Variants in FRAS1 observed in about 807,000 individuals in gnomAD.
FRAS1 encodes extracellular matrix organizing protein FRAS1.
In FRAS1, 290 loss-of-function variants were observed where a neutral mutation model predicts 435.2. The ratio of observed to expected loss-of-function variants is 0.67; its 90% CI spans 0.61 to 0.73. The LOEUF is 0.73. FRAS1 is among the 30% of genes least tolerant of loss of function. The probability of loss-of-function intolerance (pLI) is 0.00; values close to 1 mark genes in which losing one functional copy is unlikely to be tolerated. For synonymous variants in FRAS1, 1,800 were observed against 1,851.0 expected (o/e 0.97, Z 0.71); for missense variants, 4,860 against 5,001.5 (o/e 0.97, Z 0.85).
At chr4:78,296,413 G>A (rs896431497) in intron 14 of FRAS1, among the ~76,000 whole-genome samples, 1 of 152,000 alleles carries the variant, frequency 6.6e-6, no homozygotes, top group Non-Finnish European at 1.5e-5. Flanking sequence ...TGGAGTAAAA[G>A]GATCAAAAAT....
At chr4:78,401,425 A>C (rs1029118007) in intron 30 of FRAS1, among the ~76,000 whole-genome samples, 2 of 152,244 alleles carry the variant, frequency 1.3e-5, no homozygotes, top group African/African-American at 4.8e-5. Context: ...AGGTGTTCGT[A>C]GCTGACTTCC....
rs773736914 is a variant in FRAS1, at chr4:78,421,879, G to A, written c.4557G>A (p.Arg1519=). The part of the protein sequence containing the change: ...LHPNQGIIEH[R]DHPHSPIRYF... The stretch of plus-strand genomic sequence containing the variant: ...TCCTCCCAGGTATCATCGAGCACCG[G>A]GACCACCCTCACTCTCCTATCCGGT... Residue 1519 remains arginine (R), a synonymous_variant, in exon 34 of 74, where the codon CGG becomes CGA. Transcript: ENST00000512123. The A allele has an allele frequency of 6.2e-6, 10 of 1,613,638 alleles. No homozygotes were observed. The highest frequency in any genetic ancestry group is 8.5e-6 in the Non-Finnish European group (10 of 1,179,792).
At chr4:78,167,056 C>A (rs548504237) in intron 2 of FRAS1, among the ~76,000 whole-genome samples, 1 of 152,160 alleles carries the variant, frequency 6.6e-6, no homozygotes, top group Non-Finnish European at 1.5e-5. Context: ...TAGCCCATTG[C>A]GTAGTGCATT....
chr4:78,186,216 G>A (rs938597073), intron 2 of FRAS1, among the ~76,000 whole-genome samples: 4 of 151,562 alleles, frequency 2.6e-5, no homozygotes, highest in African/African-American at 9.7e-5. Context: ...ACAGCTGTTT[G>A]ATAGACTGCT....
At chr4:78,176,084 G>A (rs189255083) in intron 2 of FRAS1, among the ~76,000 whole-genome samples, 15 of 152,222 alleles carry the variant, frequency 9.9e-5, no homozygotes, top group Admixed American at 3.9e-4. Flanking sequence ...TGATGCCCAC[G>A]AAATTAAGGG....
intron 2 of FRAS1, among the ~76,000 whole-genome samples, chr4:78,231,250 T>C (rs1724508811): frequency 6.6e-6 from 1 of 151,826 alleles, no homozygotes. Context: ...CCACTGTGCC[T>C]GGGCACCTTA....
intron 66 of FRAS1, among the ~76,000 whole-genome samples, chr4:78,516,597 G>A (rs1721223011): frequency 1.3e-5 from 2 of 152,176 alleles, no homozygotes; most frequent in Admixed American, 1.3e-4. Context: ...ACAAACCAGA[G>A]ACTGGTAATC....
intron 2 of FRAS1, among the ~76,000 whole-genome samples, chr4:78,102,292 T>A (rs1460494188): frequency 2.0e-5 from 3 of 152,192 alleles, no homozygotes; most frequent in Non-Finnish European, 4.4e-5. Context: ...CCATTTCTAA[T>A]CCTCACCTAA....
chr4:78,075,534 G>A (rs1398568528), intron 2 of FRAS1, among the ~76,000 whole-genome samples: 2 of 152,170 alleles, frequency 1.3e-5, no homozygotes, highest in African/African-American at 2.4e-5. Flanking sequence ...ATAAGTGTCA[G>A]TAGGTAGAAG....
At chr4:78,167,004 C>T (rs1721358807) in intron 2 of FRAS1, among the ~76,000 whole-genome samples, 1 of 152,118 alleles carries the variant, frequency 6.6e-6, no homozygotes, top group African/African-American at 2.4e-5. Context: ...AGAGCATCTG[C>T]CCTGTATTAT....
At chr4:78,067,403 T>G (rs1052755926) in intron 2 of FRAS1, among the ~76,000 whole-genome samples, 2 of 152,160 alleles carry the variant, frequency 1.3e-5, no homozygotes, top group Non-Finnish European at 2.9e-5. Flanking sequence ...AACTTTGCTA[T>G]GTGTTATTGT....
At position 78,265,063 on chromosome 4, in the gene FRAS1, G is replaced by A. The variant is rs532528605; in HGVS notation, c.642G>A (p.Pro214=). ...TVVRVPGKCC[P]QCSARSCSAA... ...TCCGAGTCCCTGGAAAATGTTGCCC[G>A]CAGTGCTCTGCAAGATCCTGCTCTG... The change falls in exon 7 of 74, where the codon CCG becomes CCA. Residue 214 remains proline (P), a synonymous_variant. Transcript: ENST00000512123. 13 of 1,612,978 alleles carry A rather than the reference G, an allele frequency of 8.1e-6. No homozygotes were observed. The highest frequency in any genetic ancestry group is 4.0e-5 in the African/African-American group (3 of 75,000).
At chr4:78,225,443 A>G (rs1483394814) in intron 2 of FRAS1, among the ~76,000 whole-genome samples, 1 of 152,128 alleles carries the variant, frequency 6.6e-6, no homozygotes, top group Non-Finnish European at 1.5e-5. Flanking sequence ...CAGCTTGGTA[A>G]AGGCCAAGTC....
intron 42 of FRAS1, 52 bp downstream of exon 42, chr4:78,445,764 A>G: frequency 6.3e-7 from 1 of 1,586,100 alleles, no homozygotes; most frequent in African/African-American, 1.3e-5. Context: ...AATATTTCAC[A>G]CCATTAGAGA....
At chr4:78,305,464 T>A (rs998217673) in intron 14 of FRAS1, among the ~76,000 whole-genome samples, 3 of 150,502 alleles carry the variant, frequency 2.0e-5, no homozygotes, top group African/African-American at 4.9e-5. Flanking sequence ...CAGTGGGGTG[T>A]TAAAGTCTCC....
At chr4:78,519,197 G>T in intron 66 of FRAS1, 134 bp from the exon 67 acceptor site, 1 of 663,498 alleles carries the variant, frequency 1.5e-6, no homozygotes, top group Non-Finnish European at 2.3e-6. Context: ...GTGCAATCAT[G>T]GGCACTTGCT....
chr4:78,405,206 G>T (rs1255913266), intron 30 of FRAS1, among the ~76,000 whole-genome samples: 1 of 152,056 alleles, frequency 6.6e-6, no homozygotes. Context: ...ATTCTGCTTT[G>T]CTTTTTTATC....
At chr4:78,319,628 A>T in intron 18 of FRAS1, 1 of 281,732 alleles carries the variant, frequency 3.5e-6, no homozygotes, top group South Asian at 3.7e-5. Context: ...TATGTTCATT[A>T]AAAAAATTTT....
intron 33 of FRAS1, among the ~76,000 whole-genome samples, chr4:78,419,668 T>C (rs1733692804): frequency 6.6e-6 from 1 of 152,164 alleles, no homozygotes. Flanking sequence ...CATTTTCATA[T>C]TGGTATAAAG....
Sources: gnomAD v4.1 joint callset for allele counts (sites outside exome capture counted in the v4.1 genomes callset) on GRCh38, gnomAD v4.1.1 for gene constraint, MANE v1.5 for transcripts, NCBI Gene and HGNC (gene_info 2026-07-23, HGNC 2026-07-21) for gene names.